Variants in POC1A observed in about 807,000 individuals in gnomAD.
POC1A encodes POC1 centriolar protein homolog A.
In POC1A, 34 loss-of-function variants were observed where a neutral mutation model predicts 47.8. That is an observed-to-expected ratio of 0.71 (90% CI 0.54 to 0.95). The LOEUF (loss-of-function observed/expected upper bound fraction) is 0.95, where lower values mean the gene tolerates loss of function less well. Ranked by LOEUF, POC1A falls within the 40% of genes least tolerant of loss-of-function variation. POC1A has a pLI of 0.00. For missense variants in POC1A, 466 were observed against 528.3 expected (o/e 0.88, Z 1.16); for synonymous variants, 177 against 207.6 (o/e 0.85, Z 1.27).
intron 10 of POC1A, among the ~76,000 whole-genome samples, chr3:52,078,931 A>T (rs977299485): frequency 6.6e-6 from 1 of 152,220 alleles, no homozygotes; most frequent in African/African-American, 2.4e-5. Flanking sequence ...CTGGTGGCAC[A>T]CACAGGCAGG....
At chr3:52,097,192 G>C (rs564341837) in intron 9 of POC1A, among the ~76,000 whole-genome samples, 28 of 152,358 alleles carry the variant, frequency 1.8e-4, no homozygotes, top group African/African-American at 6.5e-4. Flanking sequence ...CTTCACAAAT[G>C]CCTTTCCCAG....
chr3:52,146,734 A>G (rs1698377625), intron 5 of POC1A, among the ~76,000 whole-genome samples: 1 of 152,252 alleles, frequency 6.6e-6, no homozygotes, highest in Non-Finnish European at 1.5e-5. Flanking sequence ...ATAATTACAC[A>G]GCTCCAAAGA....
At chr3:52,110,009 C>T (rs1048073588) in intron 9 of POC1A, among the ~76,000 whole-genome samples, 1 of 152,150 alleles carries the variant, frequency 6.6e-6, no homozygotes, top group African/African-American at 2.4e-5. Flanking sequence ...ATCTGCCCCC[C>T]AAAACTGACA....
intron 8 of POC1A, among the ~76,000 whole-genome samples, chr3:52,123,797 T>G (rs1440192873): frequency 1.3e-5 from 2 of 152,240 alleles, no homozygotes; most frequent in Non-Finnish European, 2.9e-5. Context: ...CTGCTGGACC[T>G]ACTTTCCACC....
rs1306364063 is a variant in POC1A, at chr3:52,075,696, C to T, written c.*191G>A. 1 of 541,882 alleles carries T rather than the reference C, an allele frequency of 1.8e-6. No homozygotes were observed. Among genetic ancestry groups the T allele is most frequent in the East Asian group, 3.1e-5 (1 of 32,172 alleles). The allele number at this position is 541,882 out of a possible 1,614,324, so 33.6% of individuals were successfully genotyped here. The stretch of plus-strand genomic sequence containing the variant: ...GTGTGTGAGCCCGGCCCACTGGGGA[C>T]CTCTGGCTGCCAGGTGGAGAGCCTC... On this transcript the variant is annotated 3_prime_UTR_variant, in exon 11 of 11. Transcript: ENST00000296484.
intron 9 of POC1A, among the ~76,000 whole-genome samples, chr3:52,121,419 C>A (rs1167046339): frequency 2.0e-5 from 3 of 152,248 alleles, no homozygotes. Context: ...GCCAGGACAG[C>A]AACCCTTGTA....
chr3:52,088,523 T>G (rs1296646752), intron 10 of POC1A, among the ~76,000 whole-genome samples: 2 of 152,110 alleles, frequency 1.3e-5, no homozygotes, highest in Admixed American at 1.3e-4. Context: ...CAGGCCCAAC[T>G]ACAGCCCTTC....
At chr3:52,123,285 C>G (rs1357860112) in intron 8 of POC1A, among the ~76,000 whole-genome samples, 1 of 152,230 alleles carries the variant, frequency 6.6e-6, no homozygotes, top group South Asian at 2.1e-4. Context: ...GAGGGAGGCA[C>G]CTGGCTGGGG....
chr3:52,122,303 C>A (rs1020009927), intron 9 of POC1A, 76 bp downstream of exon 9: 24 of 837,852 alleles, frequency 2.9e-5, no homozygotes, highest in Admixed American at 1.1e-4. Context: ...CTCACCGTCT[C>A]CAAGCCCAGA....
At chr3:52,140,048 C>A (rs1452506117) in intron 6 of POC1A, among the ~76,000 whole-genome samples, 1 of 152,192 alleles carries the variant, frequency 6.6e-6, no homozygotes, top group African/African-American at 2.4e-5. Flanking sequence ...GATTCAAAAC[C>A]AACCGTCATC....
At position 52,111,652 on chromosome 3, in the gene POC1A, T is replaced by TAA. The variant is rs59028696; in HGVS notation, c.981+10725_981+10726dup. Among the ~76,000 whole-genome samples the TAA allele has an allele frequency of 1.6e-3, 148 of 95,090 alleles. 1 individual carries two copies. Among genetic ancestry groups the TAA allele is most frequent in the African/African-American group, 2.9e-3 (81 of 28,046 alleles). 62.4% of individuals were successfully genotyped at this position (95,090 alleles called of 152,430 possible). On this transcript the variant is annotated intron_variant, in intron 9 of 10. Transcript: ENST00000296484. ...GAATGGCTAGACTCTGTCTCAAAATTAAAAAAAAAAAAAAAAAAAAAAAAG... is the reference window on the plus strand; with the variant it reads ...GAATGGCTAGACTCTGTCTCAAAATTAAAAAAAAAAAAAAAAAAAAAAAAAAG...
Position 52,122,383 on chromosome 3 carries a change from T to C in POC1A, c.977A>G (p.Asn326Ser). ...CATGCCTGCCAAGCCACTTACCAGA[T>C]TCCCCATGGAGCTGGCCAGTGTGGC... Reference protein sequence around the residue: ...PPATLASSMGNLPEVDFPVPP... With the variant: ...PPATLASSMGSLPEVDFPVPP... The change falls in exon 9 of 11, where the codon AAT becomes AGT. Residue 326 changes from asparagine (N) to serine (S), a missense_variant. Transcript: ENST00000296484. The C allele has an allele frequency of 6.3e-7, 1 of 1,592,418 alleles. No homozygotes were observed. The highest frequency in any genetic ancestry group is 2.2e-5 in the East Asian group (1 of 44,782).
intron 7 of POC1A, among the ~76,000 whole-genome samples, chr3:52,130,298 C>T (rs1000232147): frequency 4.6e-5 from 7 of 152,238 alleles, no homozygotes; most frequent in Admixed American, 4.6e-4. Context: ...GGGGTGAGTG[C>T]TGTGGTCTCC....
At chr3:52,121,619 C>T (rs898858394) in intron 9 of POC1A, among the ~76,000 whole-genome samples, 19 of 152,100 alleles carry the variant, frequency 1.2e-4, no homozygotes, top group African/African-American at 3.9e-4. Flanking sequence ...AGGCCTTGGG[C>T]GAGCCGCTTC....
intron 7 of POC1A, among the ~76,000 whole-genome samples, chr3:52,137,600 C>A (rs1338845756): frequency 6.6e-6 from 1 of 152,004 alleles, no homozygotes; most frequent in Non-Finnish European, 1.5e-5. Flanking sequence ...GCCTACTTCC[C>A]ACAGCCGGCC....
chr3:52,119,310 C>T (rs574712438), intron 9 of POC1A, among the ~76,000 whole-genome samples: 141 of 152,254 alleles, frequency 9.3e-4, no homozygotes, highest in African/African-American at 3.2e-3. Flanking sequence ...TTCTGGGCTC[C>T]CCGCTGAGGC....
chr3:52,154,380 C>G lies in POC1A; in HGVS notation c.-8G>C. ...CGCGCAGGGCGCAGCCATGGCGGGG[C>G]TGGCGGCGCCGAAGGCAGCTGCGGT... is the stretch of plus-strand genomic sequence containing the variant. On this transcript the variant is annotated 5_prime_UTR_variant, in exon 1 of 11. Transcript: ENST00000296484. 3 of 1,480,848 alleles carry G rather than the reference C, an allele frequency of 2.0e-6. No individual in the cohort carries two copies. Among genetic ancestry groups the G allele is most frequent in the South Asian group, 1.3e-5 (1 of 77,872 alleles). The allele number at this position is 1,480,848 out of a possible 1,614,324, so 91.7% of individuals were successfully genotyped here.
intron 9 of POC1A, among the ~76,000 whole-genome samples, chr3:52,111,630 T>C (rs1161415398): frequency 2.3e-5 from 3 of 129,986 alleles, no homozygotes; most frequent in African/African-American, 8.9e-5. Context: ...TAGGCAAGAA[T>C]GGCTAGACTC....
chr3:52,092,052 G>A (rs1241915242), intron 10 of POC1A, among the ~76,000 whole-genome samples: 1 of 152,190 alleles, frequency 6.6e-6, no homozygotes, highest in Non-Finnish European at 1.5e-5. Context: ...GTGGGGATGT[G>A]TAAAGCTGAA....
Sources: allele counts gnomAD v4.1 joint callset (sites outside exome capture counted in the v4.1 genomes callset), GRCh38; gene constraint gnomAD v4.1.1; transcripts MANE v1.5; gene names NCBI Gene and HGNC (gene_info 2026-07-23, HGNC 2026-07-21).